CEP135: variants seen among roughly 807,000 people sequenced by gnomAD.
The protein encoded by CEP135 is centrosomal protein of 135 kDa.
CEP135 carries 142 observed loss-of-function variants against 157.3 expected under a neutral mutation model. That is an observed-to-expected ratio of 0.90 (90% CI 0.79 to 1.04). The LOEUF (loss-of-function observed/expected upper bound fraction) is 1.04. CEP135 is among the 50% of genes least tolerant of loss of function. The pLI is 0.00. For missense variants in CEP135, 1,317 were observed against 1,309.2 expected (o/e 1.01, Z -0.09); for synonymous variants, 396 against 439.8 (o/e 0.90, Z 1.25).
intron 5 of CEP135, among the ~76,000 whole-genome samples, chr4:55,959,388 G>T (rs936673809): frequency 2.6e-5 from 4 of 152,148 alleles, no homozygotes; most frequent in African/African-American, 9.7e-5. Flanking sequence ...CTAAGAATTG[G>T]CAGCAGTACC....
chr4:55,976,340 C>T (rs1200515511), intron 11 of CEP135, among the ~76,000 whole-genome samples: 2 of 151,126 alleles, frequency 1.3e-5, no homozygotes, highest in Non-Finnish European at 2.9e-5. Context: ...TTTTAAATTC[C>T]GTATATACTT....
chr4:55,952,599 A>G, intron 2 of CEP135: 1 of 182,608 alleles, frequency 5.5e-6, no homozygotes, highest in Non-Finnish European at 1.1e-5. Context: ...AGTCATGGAT[A>G]GTTTCATGAC....
chr4:55,985,588 G>A (rs1729554945), intron 14 of CEP135, among the ~76,000 whole-genome samples: 2 of 152,106 alleles, frequency 1.3e-5, no homozygotes, highest in African/African-American at 2.4e-5. Context: ...CTGAGTAGCT[G>A]TAACTACAGT....
chr4:55,985,142 A>T, intron 13 of CEP135, 139 bp from the exon 14 acceptor site: 1 of 473,978 alleles, frequency 2.1e-6, no homozygotes, highest in South Asian at 4.1e-5. Flanking sequence ...ATGTCTAATG[A>T]TTTTCTTTCT....
rs1263776499 is a variant in CEP135, at chr4:56,033,247, A to C, written c.*1899A>C. 6.6e-6 allele frequency: 1 copy of C among 152,050 alleles called. No homozygotes were observed. The highest frequency in any genetic ancestry group is 1.5e-5 in the Non-Finnish European group (1 of 67,986). The allele number at this position is 152,050 out of a possible 1,614,324, so 9.4% of individuals were successfully genotyped here. A position where few individuals can be genotyped will look rare whatever the true frequency, so the allele number is the denominator to read the frequency against. On this transcript the variant is annotated 3_prime_UTR_variant, in exon 26 of 26. Transcript: ENST00000257287. ...CATAACCATGATATTGTTTTGAAAA[A>C]ATTTTATCTTAAAATACTGAATGTT...
intron 11 of CEP135, among the ~76,000 whole-genome samples, chr4:55,976,724 A>G (rs1316465167): frequency 2.0e-5 from 3 of 152,196 alleles, no homozygotes; most frequent in South Asian, 4.1e-4. Flanking sequence ...ATAGTAGGTA[A>G]GTACCTGAAT....
At chr4:56,017,567 A>C in intron 21 of CEP135, 81 bp from the exon 22 acceptor site, 1 of 1,227,172 alleles carries the variant, frequency 8.1e-7, no homozygotes, top group Non-Finnish European at 1.1e-6. Context: ...TTCTAAAGTG[A>C]GATTGTTGGC....
At position 56,011,906 on chromosome 4, in the gene CEP135, G is replaced by T. The variant is rs748947447; in HGVS notation, c.2723G>T (p.Arg908Leu). The change falls in exon 21 of 26, where the codon CGA becomes CTA. Residue 908 changes from arginine (R) to leucine (L), a missense_variant. Transcript: ENST00000257287. ...HQAEGESSSVRLELLSIDTER... is the reference protein window; with the variant it reads ...HQAEGESSSVLLELLSIDTER... ...GCTGAGGGAGAAAGCAGCTCAGTTC[G>T]ACTGGAACTTCTTTCTATTGACACT... 1 of 1,604,670 alleles carries T rather than the reference G, an allele frequency of 6.2e-7. No homozygotes were observed.
Position 55,986,130 on chromosome 4 carries a change from G to A in CEP135, c.1857+772G>A, listed in dbSNP as rs190567783. Among the ~76,000 whole-genome samples, 784 of 152,206 alleles carry A rather than the reference G, an allele frequency of 5.2e-3. 4 individuals carry two copies. Among genetic ancestry groups the A allele is most frequent in the African/African-American group, 0.018 (736 of 41,530 alleles). On this transcript the variant is annotated intron_variant, in intron 14 of 25. Coordinates refer to ENST00000257287, the MANE Select transcript of CEP135 (RefSeq NM_025009.5). Reference sequence around the variant, plus strand: ...ATAGTGCTAGTACTTACTCCTTAGGGTTTTTGTGAAAATTAAATGAGTTAA... The same window carrying A: ...ATAGTGCTAGTACTTACTCCTTAGGATTTTTGTGAAAATTAAATGAGTTAA...
intron 22 of CEP135, among the ~76,000 whole-genome samples, chr4:56,018,357 C>T (rs1311115127): frequency 1.3e-5 from 2 of 152,116 alleles, no homozygotes; most frequent in Non-Finnish European, 2.9e-5. Flanking sequence ...CTCAGGCAAA[C>T]GTAGTGATGA....
chr4:55,963,643 G>A (rs992979204), intron 6 of CEP135, among the ~76,000 whole-genome samples: 5 of 152,194 alleles, frequency 3.3e-5, no homozygotes, highest in Non-Finnish European at 5.9e-5. Flanking sequence ...CTACTCAGGA[G>A]GCTGAGGCAG....
intron 17 of CEP135, among the ~76,000 whole-genome samples, chr4:56,002,435 C>CA (rs1426194494): frequency 1.3e-5 from 2 of 151,922 alleles, no homozygotes; most frequent in African/African-American, 4.8e-5. Context: ...AGGGTTTTTA[C>CA]AAAAACGGGA....
rs771698299 is a variant in CEP135 at position 55,959,747 on chromosome 4, T to C, written c.680T>C (p.Val227Ala). 3.3e-5 allele frequency: 53 copies of C among 1,613,664 alleles called. No individual in the cohort carries two copies. Among genetic ancestry groups the C allele is most frequent in the Non-Finnish European group, 4.3e-5 (51 of 1,179,762 alleles). ...AAGTTAGCAATGATGGAAAGTGGGG[T>C]GAGAGACTATAGCAAGCAGGTAGGA... The part of the protein sequence containing the change: ...QEKLAMMESG[V>A]RDYSKQIELR... The change falls in exon 6 of 26, where the codon GTG (valine) becomes GCG (alanine). Residue 227 changes from valine to alanine, a missense_variant. By Grantham distance (64) the Val-to-Ala change is moderately conservative. Coordinates refer to ENST00000257287, the MANE Select transcript of CEP135 (RefSeq NM_025009.5).
intron 24 of CEP135, among the ~76,000 whole-genome samples, chr4:56,021,291 A>G (rs1006054903): frequency 3.9e-5 from 6 of 152,286 alleles, no homozygotes; most frequent in Non-Finnish European, 5.9e-5. Context: ...CCAACAATCT[A>G]TTATTATGCC....
chr4:55,988,020 A>G (rs1729645283), intron 14 of CEP135, among the ~76,000 whole-genome samples: 1 of 152,258 alleles, frequency 6.6e-6, no homozygotes, highest in East Asian at 1.9e-4. Context: ...TTTAGTAGTC[A>G]TGAATAATAC....
chr4:56,024,557 C>G lies in CEP135; in HGVS notation c.3377C>G (p.Ser1126Cys), dbSNP rs1376419755. The G allele has an allele frequency of 4.3e-6, 7 of 1,613,672 alleles. No individual in the cohort carries two copies. The highest frequency in any genetic ancestry group is 8.5e-7 in the Non-Finnish European group (1 of 1,179,810). ...RHGLATPPLS[S>C]TLRSPSHSPE... ...GGTCTTGCTACACCACCCCTTAGTT[C>G]CACTCTGAGGTCTCCTTCACATTCT... Residue 1126 changes from serine (S) to cysteine (C), a missense_variant, in exon 25 of 26, where the codon TCC becomes TGC. Ser to Cys is a moderately radical substitution (Grantham distance 112). Transcript: ENST00000257287.
At position 55,960,129 on chromosome 4, in the gene CEP135, A is replaced by G. The variant is rs183959467; in HGVS notation, c.699+363A>G. 2.6e-3 allele frequency: 847 copies of G among 322,854 alleles called. 3 individuals carry two copies. Among genetic ancestry groups the G allele is most frequent in the Middle Eastern group, 0.014 (16 of 1,168 alleles). The allele number at this position is 322,854 out of a possible 1,614,324, so 20.0% of individuals were successfully genotyped here. A position where few individuals can be genotyped will look rare whatever the true frequency, so the allele number is the denominator to read the frequency against. The stretch of plus-strand genomic sequence containing the variant: ...GGTTTTTCTTTTAGCTGAATCATCT[A>G]TCTCCCCAAATATAATTTTATAACC... On this transcript the variant is annotated intron_variant, in intron 6 of 25. Coordinates refer to ENST00000257287, the MANE Select transcript of CEP135 (RefSeq NM_025009.5).
chr4:56,023,438 TTTGTTA>T (rs1227468422), intron 24 of CEP135, among the ~76,000 whole-genome samples: 2 of 151,820 alleles, frequency 1.3e-5, no homozygotes, highest in Non-Finnish European at 2.9e-5. Flanking sequence ...ATTAAACAGG[TTTGTTA>T]TAATTTTTTT....
chr4:55,971,854 T>C (rs1441387082), intron 10 of CEP135, among the ~76,000 whole-genome samples: 2 of 152,148 alleles, frequency 1.3e-5, no homozygotes, highest in Non-Finnish European at 2.9e-5. Context: ...ATCAGGAACA[T>C]ATAAGAATTC....
Sources: allele counts gnomAD v4.1 joint callset (sites outside exome capture counted in the v4.1 genomes callset), GRCh38; gene constraint gnomAD v4.1.1; transcripts MANE v1.5; gene names NCBI Gene and HGNC (gene_info 2026-07-23, HGNC 2026-07-21).